The following RBL2 variants were observed in gnomAD, a reference collection of about 807,000 sequenced individuals.
The protein encoded by RBL2 is RB transcriptional corepressor like 2.
RBL2 carries 56 observed loss-of-function variants against 126.0 expected under a neutral mutation model. The ratio of observed to expected loss-of-function variants is 0.44; its 90% confidence interval spans 0.36 to 0.56. The LOEUF (loss-of-function observed/expected upper bound fraction) is 0.56, where lower values mean the gene tolerates loss of function less well. RBL2 is among the 20% of genes least tolerant of loss of function. RBL2 has a pLI of 0.00. For synonymous variants in RBL2, 454 were observed against 478.5 expected, an observed-to-expected ratio of 0.95 and a Z score of 0.67; for missense variants, 1,229 against 1,398.2, an observed-to-expected ratio of 0.88 and a Z score of 1.93.
chr16:53,442,240 A>T (rs1363649639), intron 2 of RBL2, among the ~76,000 whole-genome samples: 1 of 152,168 alleles, frequency 6.6e-6, no homozygotes, highest in East Asian at 1.9e-4. Context: ...CAAGCCCAGG[A>T]GTCTGCAGTG....
At chr16:53,487,753 T>C (rs1012239951) in intron 21 of RBL2, 6 of 152,214 alleles carry the variant, frequency 3.9e-5, no homozygotes, top group Admixed American at 2.0e-4. Flanking sequence ...CCATAGACTA[T>C]TAGAAAATCT....
At chr16:53,448,992 C>T (rs879297407) in intron 4 of RBL2, 6 of 152,226 alleles carry the variant, frequency 3.9e-5, no homozygotes, top group Non-Finnish European at 8.8e-5. Context: ...GCCATCCTTC[C>T]TTCCCTGAGC....
At chr16:53,454,020 G>A (rs1163922266) in intron 7 of RBL2, among the ~76,000 whole-genome samples, 1 of 152,198 alleles carries the variant, frequency 6.6e-6, no homozygotes. Flanking sequence ...GGAACTATAT[G>A]GGTGAAAATT....
intron 20 of RBL2, chr16:53,481,242 T>G: frequency 5.7e-6 from 1 of 175,900 alleles, no homozygotes; most frequent in Non-Finnish European, 1.2e-5. Flanking sequence ...AATTCTACTG[T>G]TGTTAAGCAT....
At chr16:53,456,656 A>C (rs1354264502) in intron 8 of RBL2, among the ~76,000 whole-genome samples, 2 of 152,212 alleles carry the variant, frequency 1.3e-5, no homozygotes, top group East Asian at 3.8e-4. Flanking sequence ...TCACCCACTT[A>C]TGCCACATTA....
intron 21 of RBL2, among the ~76,000 whole-genome samples, chr16:53,487,454 T>G (rs1961220399): frequency 6.6e-6 from 1 of 152,216 alleles, no homozygotes; most frequent in Non-Finnish European, 1.5e-5. Flanking sequence ...GATAGCCTTT[T>G]CAACAGATGG....
intron 4 of RBL2, among the ~76,000 whole-genome samples, chr16:53,450,481 GA>G (rs2058105104): frequency 6.6e-6 from 1 of 152,166 alleles, no homozygotes; most frequent in African/African-American, 2.4e-5. Context: ...AAATCACCAT[GA>G]AGCATACATG....
At chr16:53,462,527 GTTTT>G in intron 10 of RBL2, 21 bp from the exon 11 acceptor site, 1 of 1,133,142 alleles carries the variant, frequency 8.8e-7, no homozygotes, top group Non-Finnish European at 1.2e-6. Context: ...TTTTTGTGGG[GTTTT>G]TTTTTTTATT....
At chr16:53,471,853 CCT>C (rs1172315825) in intron 17 of RBL2, among the ~76,000 whole-genome samples, 16 of 152,186 alleles carry the variant, frequency 1.1e-4, no homozygotes, top group Admixed American at 1.0e-3. Flanking sequence ...ATACTCACCA[CCT>C]CTGTCTAGTT....
At chr16:53,461,966 A>T (rs2058225775) in intron 10 of RBL2, 116 bp downstream of exon 10, 1 of 860,506 alleles carries the variant, frequency 1.2e-6, no homozygotes, top group Non-Finnish European at 1.7e-6. Flanking sequence ...GAAGGCTAGG[A>T]TATGGCTGTC....
intron 1 of RBL2, chr16:53,435,459 T>C: frequency 2.1e-6 from 1 of 487,078 alleles, no homozygotes; most frequent in Non-Finnish European, 2.7e-6. Flanking sequence ...CCCCGGGCAT[T>C]GCACAGGACT....
At chr16:53,470,235 GA>G (rs1353659331) in intron 15 of RBL2, 50 bp downstream of exon 15, 1 of 1,569,082 alleles carries the variant, frequency 6.4e-7, no homozygotes, top group Non-Finnish European at 8.7e-7. Flanking sequence ...GGCATGTATT[GA>G]AAAGTTACCC....
At chr16:53,468,401 C>CT (rs1350110619) in intron 14 of RBL2, among the ~76,000 whole-genome samples, 2 of 152,204 alleles carry the variant, frequency 1.3e-5, no homozygotes, top group East Asian at 3.9e-4. Context: ...AAAAATCACT[C>CT]TAAGTGTATA....
Position 53,453,616 on chromosome 16 carries a change from T to G in RBL2, c.927+4T>G. 6.2e-7 allele frequency: 1 copy of G among 1,605,874 alleles called. No homozygotes were observed. Among genetic ancestry groups the G allele is most frequent in the Non-Finnish European group, 8.5e-7 (1 of 1,176,106 alleles). On this transcript the variant is annotated splice_donor_region_variant and intron_variant, in intron 6 of 21. Transcript: ENST00000262133. The stretch of plus-strand genomic sequence containing the variant: ...TAGGAAACTTTATGAAAAAAAGGTT[T>G]GTAAGTAGCAAAGAAATAACGTGAA...
chr16:53,459,698 T>A, intron 9 of RBL2, 81 bp downstream of exon 9: 1 of 1,301,256 alleles, frequency 7.7e-7, no homozygotes, highest in Non-Finnish European at 1.0e-6. Flanking sequence ...ATTAATGCCT[T>A]AATTCACCCA....
chr16:53,461,685 C>A lies in RBL2; in HGVS notation c.1347-56C>A, dbSNP rs2058222691. The A allele has an allele frequency of 1.1e-5, 13 of 1,206,420 alleles. No homozygotes were observed. In the East Asian group the frequency reaches 2.7e-4, roughly 25 times the overall value. The allele number at this position is 1,206,420 out of a possible 1,614,324, so 74.7% of individuals were successfully genotyped here. ...TAGTGAAATTATAGAAACATTTTAT[C>A]CCCTTGTGACTTGACAAGACCTTTA... On this transcript the variant is annotated intron_variant, in intron 9 of 21. Coordinates refer to ENST00000262133, the MANE Select transcript of RBL2 (RefSeq NM_005611.4).
rs1015441527 is a variant in RBL2 at position 53,469,850 on chromosome 16, C to T, written c.1976-66C>T. Reference sequence around the variant, plus strand: ...CTGTAGTTATTTTTTAACATAAGAGCTTGGACGGAAGTCAGATCTGAGTCT... The same window carrying T: ...CTGTAGTTATTTTTTAACATAAGAGTTTGGACGGAAGTCAGATCTGAGTCT... On this transcript the variant is annotated intron_variant, in intron 14 of 21. Transcript: ENST00000262133. 1.4e-5 allele frequency: 21 copies of T among 1,460,200 alleles called. No individual in the cohort carries two copies. The African/African-American group carries it at 2.6e-4, about 18-fold the overall frequency. 90.5% of individuals were successfully genotyped at this position (1,460,200 alleles called of 1,614,324 possible). A position where few individuals can be genotyped will look rare whatever the true frequency, so the allele number is the denominator to read the frequency against.
At chr16:53,456,868 T>C (rs2058172216) in intron 8 of RBL2, among the ~76,000 whole-genome samples, 1 of 152,178 alleles carries the variant, frequency 6.6e-6, no homozygotes, top group African/African-American at 2.4e-5. Context: ...CTTTTCCCCC[T>C]GACTCTGCTT....
At chr16:53,466,984 C>A in intron 13 of RBL2, 74 bp from the exon 14 acceptor site, 2 of 974,034 alleles carry the variant, frequency 2.1e-6, no homozygotes, top group Non-Finnish European at 3.1e-6. Context: ...CTTTTTCTGC[C>A]TTAGATTACT....
Sources: gnomAD v4.1 joint callset for allele counts (sites outside exome capture counted in the v4.1 genomes callset) on GRCh38, gnomAD v4.1.1 for gene constraint, MANE v1.5 for transcripts, NCBI Gene and HGNC (gene_info 2026-07-23, HGNC 2026-07-21) for gene names.